The following ZFAND3 variants were observed in gnomAD, a reference collection of about 807,000 sequenced individuals.
The protein encoded by ZFAND3 is AN1-type zinc finger protein 3.
Under a neutral mutation model 29.6 loss-of-function variants are expected in ZFAND3, and 10 were observed. That is an observed-to-expected ratio of 0.34 (90% CI 0.21 to 0.57). The LOEUF is 0.57. Among genes scored for constraint, ZFAND3 ranks in the 20% least tolerant of loss-of-function variants. The probability of loss-of-function intolerance (pLI) is 0.86; values close to 1 mark genes in which losing one functional copy is unlikely to be tolerated. For missense variants in ZFAND3, 230 were observed against 304.5 expected (o/e 0.76, Z 1.82); for synonymous variants, 128 against 112.6 (o/e 1.14, Z -0.87).
chr6:38,125,506 G>T (rs965981254), intron 5 of ZFAND3, among the ~76,000 whole-genome samples: 1 of 152,130 alleles, frequency 6.6e-6, no homozygotes, highest in Non-Finnish European at 1.5e-5. Context: ...AATGTGCAGG[G>T]CACATCCGCT....
At chr6:37,970,051 C>G (rs961878053) in intron 2 of ZFAND3, among the ~76,000 whole-genome samples, 19 of 151,880 alleles carry the variant, frequency 1.3e-4, no homozygotes, top group African/African-American at 4.4e-4. Flanking sequence ...TCGCTTGAAC[C>G]CAGAAGGCAG....
At position 38,041,631 on chromosome 6, in the gene ZFAND3, T is replaced by TTC. The variant is rs1561976605; in HGVS notation, c.113-19961_113-19960insCT. 4.1e-3 allele frequency among the ~76,000 whole-genome samples: 232 copies of TTC among 56,248 alleles called. 19 individuals carry two copies. Among genetic ancestry groups the TTC allele is most frequent in the African/African-American group, 7.6e-3 (139 of 18,278 alleles). 36.9% of individuals were successfully genotyped at this position (56,248 alleles called of 152,430 possible). A position where few individuals can be genotyped will look rare whatever the true frequency, so the allele number is the denominator to read the frequency against. On this transcript the variant is annotated intron_variant, in intron 2 of 5. Coordinates refer to ENST00000287218, the MANE Select transcript of ZFAND3 (RefSeq NM_021943.3). Reference sequence around the variant, plus strand: ...GTCACCACTGTTTTTTTATCTACTTTTTCTTCTTCTTCTTCTTCTTCTTCT... The same window carrying TTC: ...GTCACCACTGTTTTTTTATCTACTTTTCTTCTTCTTCTTCTTCTTCTTCTTCT...
At chr6:38,140,331 A>G (rs1765923494) in intron 5 of ZFAND3, among the ~76,000 whole-genome samples, 1 of 152,216 alleles carries the variant, frequency 6.6e-6, no homozygotes, top group Non-Finnish European at 1.5e-5. Flanking sequence ...AATAATGCTA[A>G]TATTTCAAGG....
At chr6:37,941,749 C>T (rs1194627166) in intron 2 of ZFAND3, among the ~76,000 whole-genome samples, 1 of 152,152 alleles carries the variant, frequency 6.6e-6, no homozygotes, top group Admixed American at 6.5e-5. Context: ...GTGCAACCTG[C>T]AGATTTCATT....
intron 2 of ZFAND3, among the ~76,000 whole-genome samples, chr6:37,942,406 T>C (rs1482785826): frequency 6.6e-6 from 1 of 152,170 alleles, no homozygotes; most frequent in Non-Finnish European, 1.5e-5. Flanking sequence ...ATTTGAGACA[T>C]GTTAGCAAAA....
Position 38,041,673 on chromosome 6 carries a change from CT to C in ZFAND3, c.113-19918del, listed in dbSNP as rs1561976729. ...TCTTCTTCTTCTTCTTCTTCTTCTT[CT>C]TCTTCTTCTTCTCCTTCTCCTTCTC... On this transcript the variant is annotated intron_variant, in intron 2 of 5. Coordinates refer to ENST00000287218, the MANE Select transcript of ZFAND3 (RefSeq NM_021943.3). Among the ~76,000 whole-genome samples, 68 of 24,816 alleles carry C rather than the reference CT, an allele frequency of 2.7e-3. 1 individual carries two copies. Among genetic ancestry groups the C allele is most frequent in the African/African-American group, 9.8e-3 (64 of 6,512 alleles). 16.3% of individuals were successfully genotyped at this position (24,816 alleles called of 152,430 possible).
At chr6:38,038,620 C>G (rs1304471767) in intron 2 of ZFAND3, among the ~76,000 whole-genome samples, 1 of 151,142 alleles carries the variant, frequency 6.6e-6, no homozygotes, top group East Asian at 1.9e-4. Flanking sequence ...TCGTTTCCCC[C>G]CCGCTTTGGT....
At chr6:37,978,274 A>G (rs1469124180) in intron 2 of ZFAND3, among the ~76,000 whole-genome samples, 3 of 152,162 alleles carry the variant, frequency 2.0e-5, no homozygotes, top group African/African-American at 7.2e-5. Context: ...TCAAATGTTA[A>G]AGCAGTCATA....
intron 1 of ZFAND3, among the ~76,000 whole-genome samples, chr6:37,916,551 T>C (rs1318387816): frequency 1.3e-5 from 2 of 152,090 alleles, no homozygotes; most frequent in Non-Finnish European, 2.9e-5. Context: ...TCCCAGCTAC[T>C]CAGGAGGCTG....
At chr6:38,015,879 T>C (rs1763244049) in intron 2 of ZFAND3, among the ~76,000 whole-genome samples, 1 of 152,210 alleles carries the variant, frequency 6.6e-6, no homozygotes, top group African/African-American at 2.4e-5. Flanking sequence ...TTCTTTCTTA[T>C]TAAAACTCTG....
intron 1 of ZFAND3, among the ~76,000 whole-genome samples, chr6:37,925,719 AG>A (rs1230917091): frequency 6.6e-6 from 1 of 150,832 alleles, no homozygotes; most frequent in Non-Finnish European, 1.5e-5. Context: ...AAAAAAAAAA[AG>A]GTTTCTAGAT....
chr6:38,027,359 CCTT>C (rs1231115312), intron 2 of ZFAND3, among the ~76,000 whole-genome samples: 3 of 152,174 alleles, frequency 2.0e-5, no homozygotes, highest in Non-Finnish European at 4.4e-5. Flanking sequence ...TCTTTAAGGT[CCTT>C]CTCAAAAGAA....
intron 4 of ZFAND3, among the ~76,000 whole-genome samples, chr6:38,102,162 A>G (rs76660766): frequency 1.4e-5 from 2 of 147,578 alleles, no homozygotes; most frequent in Admixed American, 6.7e-5. Flanking sequence ...CTTCTTCTTC[A>G]TCTTCATCTT....
chr6:37,883,927 G>A (rs1009818476), intron 1 of ZFAND3, among the ~76,000 whole-genome samples: 2 of 145,186 alleles, frequency 1.4e-5, no homozygotes, highest in East Asian at 3.9e-4. Context: ...GCCAGGCCTG[G>A]GAACCTTTAG....
At chr6:37,848,290 T>G (rs1487467774) in intron 1 of ZFAND3, among the ~76,000 whole-genome samples, 4 of 152,260 alleles carry the variant, frequency 2.6e-5, no homozygotes, top group Non-Finnish European at 5.9e-5. Flanking sequence ...AAAAATAGCT[T>G]ACATTGAGAT....
intron 2 of ZFAND3, among the ~76,000 whole-genome samples, chr6:37,974,187 C>T (rs891293876): frequency 2.0e-5 from 3 of 152,036 alleles, no homozygotes; most frequent in South Asian, 2.1e-4. Context: ...CTCAGGCTGC[C>T]GAGTAGCTGG....
intron 1 of ZFAND3, among the ~76,000 whole-genome samples, chr6:37,881,007 A>AT (rs1764884562): frequency 7.9e-6 from 1 of 126,854 alleles, no homozygotes; most frequent in African/African-American, 3.9e-5. Context: ...AACTTAGAGT[A>AT]TAAAAAAAAA....
chr6:37,969,243 T>C (rs528753791), intron 2 of ZFAND3, among the ~76,000 whole-genome samples: 1 of 152,346 alleles, frequency 6.6e-6, no homozygotes, highest in South Asian at 2.1e-4. Context: ...CATGACTGTT[T>C]ATGCTATTTG....
At chr6:38,103,884 T>A (rs1765157692) in intron 4 of ZFAND3, among the ~76,000 whole-genome samples, 1 of 152,230 alleles carries the variant, frequency 6.6e-6, no homozygotes, top group Admixed American at 6.5e-5. Context: ...GTAGTATTTT[T>A]AAACATCAAT....
Sources: allele counts gnomAD v4.1 joint callset (sites outside exome capture counted in the v4.1 genomes callset), GRCh38; gene constraint gnomAD v4.1.1; transcripts MANE v1.5; gene names NCBI Gene and HGNC (gene_info 2026-07-23, HGNC 2026-07-21).